The following CHD9 variants were observed in gnomAD, a reference collection of about 807,000 sequenced individuals.
CHD9 encodes ATP-dependent chromatin remodeler CHD9.
In CHD9, 77 loss-of-function variants were observed where a neutral mutation model predicts 316.1. That is an observed-to-expected ratio of 0.24 (90% CI 0.20 to 0.29). CHD9 has a LOEUF of 0.29. CHD9 is among the 10% of genes least tolerant of loss of function. CHD9 has a pLI of 1.00. For synonymous variants in CHD9, 1,129 were observed against 1,158.3 expected (o/e 0.97, Z 0.51); for missense variants, 2,763 against 3,438.1 (o/e 0.80, Z 4.91).
intron 20 of CHD9, among the ~76,000 whole-genome samples, chr16:53,264,339 C>T (rs1273240150): frequency 6.6e-6 from 1 of 151,970 alleles, no homozygotes; most frequent in Admixed American, 6.6e-5. Flanking sequence ...CAGTGATACT[C>T]ATTGCAGCAT....
chr16:53,290,817 G>A (rs2054271958), intron 27 of CHD9, among the ~76,000 whole-genome samples: 1 of 151,974 alleles, frequency 6.6e-6, no homozygotes, highest in Non-Finnish European at 1.5e-5. Context: ...TAAATTTGGA[G>A]CAAAGAGACT....
intron 2 of CHD9, among the ~76,000 whole-genome samples, chr16:53,171,249 C>G (rs2042694160): frequency 6.6e-6 from 1 of 151,866 alleles, no homozygotes; most frequent in Non-Finnish European, 1.5e-5. Context: ...AACCCCGTCT[C>G]CACTAAAAAA....
intron 1 of CHD9, among the ~76,000 whole-genome samples, chr16:53,117,831 C>CT (rs11436680): frequency 0.29 from 42,614 of 145,684 alleles, 6,526 homozygotes; most frequent in African/African-American, 0.38. Flanking sequence ...AAATATTTCT[C>CT]TTTTTTTTTT....
intron 19 of CHD9, among the ~76,000 whole-genome samples, chr16:53,258,416 T>G (rs1250887515): frequency 1.3e-5 from 2 of 152,160 alleles, no homozygotes; most frequent in Non-Finnish European, 1.5e-5. Context: ...TGAGGAGAGT[T>G]GAGAGGTTGC....
At chr16:53,078,851 C>A (rs1376903565) in intron 1 of CHD9, among the ~76,000 whole-genome samples, 1 of 152,134 alleles carries the variant, frequency 6.6e-6, no homozygotes, top group Non-Finnish European at 1.5e-5. Context: ...TTGTGCTTTG[C>A]CAATTCAGAG....
Position 53,324,462 on chromosome 16 carries a change from CAGAA to C in CHD9, c.8264_8267del (p.Glu2755GlyfsTer27). 1 of 1,613,974 alleles carries C rather than the reference CAGAA, an allele frequency of 6.2e-7. No homozygotes were observed. The highest frequency in any genetic ancestry group is 8.5e-7 in the Non-Finnish European group (1 of 1,179,882). Reference sequence around the variant, plus strand: ...GACTCTAAGGAGTCAGAAGGAAAAACAGAAAGGACAGAGAGCCAAAGTTCAGAGA... The same window carrying C: ...GACTCTAAGGAGTCAGAAGGAAAAACAGGACAGAGAGCCAAAGTTCAGAGA... On this transcript the variant is annotated frameshift_variant, in exon 39 of 39. Coordinates refer to ENST00000447540, the MANE Select transcript of CHD9 (RefSeq NM_001308319.2). LOFTEE classifies it high-confidence loss of function.
At chr16:53,099,109 G>A (rs1327749917) in intron 1 of CHD9, 1 of 152,588 alleles carries the variant, frequency 6.6e-6, no homozygotes, top group Non-Finnish European at 1.5e-5. Context: ...TGGGCCCAGA[G>A]CCCTGAGAAT....
chr16:53,156,828 C>A lies in CHD9; in HGVS notation c.739C>A (p.His247Asn). 6.2e-7 allele frequency: 1 copy of A among 1,613,784 alleles called. No individual in the cohort carries two copies. Among genetic ancestry groups the A allele is most frequent in the African/African-American group, 1.3e-5 (1 of 75,048 alleles). ...AGCACACTTCCACAAGTGTAGCAGT[C>A]ATCAAGAAGGAAATTTTAATGGACC... Reference protein sequence around the residue: ...PSAHFHKCSSHQEGNFNGPSP... With the variant: ...PSAHFHKCSSNQEGNFNGPSP... The change falls in exon 2 of 39, where the codon CAT (histidine) becomes AAT (asparagine). Residue 247 changes from histidine (H) to asparagine (N), a missense_variant. His to Asn is a moderately conservative substitution (Grantham distance 68, BLOSUM62 1). This residue lies in a region of CHD9 where 859 missense variants were observed against 890.4 expected (regional missense o/e 0.96). Transcript: ENST00000447540.
intron 30 of CHD9, among the ~76,000 whole-genome samples, chr16:53,302,919 A>G (rs1215071653): frequency 2.6e-5 from 4 of 152,218 alleles, no homozygotes; most frequent in South Asian, 2.1e-4. Context: ...AGGTAGCATG[A>G]GTTCATGTTG....
intron 1 of CHD9, among the ~76,000 whole-genome samples, chr16:53,056,867 T>G (rs997133154): frequency 1.3e-5 from 2 of 152,198 alleles, no homozygotes; most frequent in African/African-American, 4.8e-5. Flanking sequence ...ATTCACAAGT[T>G]CTAAATTTGC....
intron 1 of CHD9, among the ~76,000 whole-genome samples, chr16:53,120,198 C>G (rs1163442816): frequency 6.6e-6 from 1 of 152,128 alleles, no homozygotes; most frequent in Non-Finnish European, 1.5e-5. Context: ...CACCACTGCT[C>G]TCTAACCTGG....
intron 20 of CHD9, among the ~76,000 whole-genome samples, chr16:53,266,170 C>T (rs1246685395): frequency 6.6e-6 from 1 of 151,414 alleles, no homozygotes; most frequent in Non-Finnish European, 1.5e-5. Flanking sequence ...TTTAAGGAGA[C>T]ACAACATATT....
rs1182140359 is a variant in CHD9, at chr16:53,070,516, CCTTCCTTCCTTCCTTCCTCT to C, written c.-165+15442_-165+15461del. Among the ~76,000 whole-genome samples, 96 of 134,582 alleles carry C rather than the reference CCTTCCTTCCTTCCTTCCTCT, an allele frequency of 7.1e-4. 1 individual carries two copies. The highest frequency in any genetic ancestry group is 9.8e-4 in the South Asian group (4 of 4,076). The allele number at this position is 134,582 out of a possible 152,430, so 88.3% of individuals were successfully genotyped here. A position where few individuals can be genotyped will look rare whatever the true frequency, so the allele number is the denominator to read the frequency against. Reference sequence around the variant, plus strand: ...TCCTTCCTTCCTTCCTTCCTTCCTTCCTTCCTTCCTTCCTTCCTCTCTCTCTCTCTCTCTCTCTTTCTTTC... The same window carrying C: ...TCCTTCCTTCCTTCCTTCCTTCCTTCCTCTCTCTCTCTCTCTCTTTCTTTC... On this transcript the variant is annotated intron_variant, in intron 1 of 38. Transcript: ENST00000447540.
chr16:53,226,098 C>G (rs2047629820), intron 4 of CHD9, among the ~76,000 whole-genome samples: 1 of 151,918 alleles, frequency 6.6e-6, no homozygotes, highest in Non-Finnish European at 1.5e-5. Flanking sequence ...TCTCTTTATT[C>G]TTAATGATTT....
intron 1 of CHD9, among the ~76,000 whole-genome samples, chr16:53,066,150 G>A (rs1200643952): frequency 6.6e-6 from 1 of 152,146 alleles, no homozygotes; most frequent in Non-Finnish European, 1.5e-5. Flanking sequence ...TACTGGTTGT[G>A]TGTGACCTTG....
At chr16:53,167,000 T>C (rs2042311715) in intron 2 of CHD9, among the ~76,000 whole-genome samples, 1 of 143,050 alleles carries the variant, frequency 7.0e-6, no homozygotes, top group African/African-American at 2.5e-5. Context: ...CATGACTTGC[T>C]TGCTGTCACA....
intron 2 of CHD9, 110 bp downstream of exon 2, chr16:53,157,651 CATTA>C (rs1184034904): frequency 9.7e-7 from 1 of 1,030,802 alleles, no homozygotes; most frequent in Admixed American, 2.8e-5. Context: ...TTGGTAATTC[CATTA>C]AGTGAACATA....
chr16:53,313,536 C>G (rs1300554037), intron 34 of CHD9, among the ~76,000 whole-genome samples: 1 of 152,068 alleles, frequency 6.6e-6, no homozygotes, highest in East Asian at 2.0e-4. Context: ...GAGCTCCTGA[C>G]CTCAGGTGAT....
rs377499271 is a variant in CHD9, at chr16:53,287,526, G to A, written c.5190-431G>A. 4.6e-5 allele frequency among the ~76,000 whole-genome samples: 7 copies of A among 152,266 alleles called. 1 individual carries two copies. The highest frequency in any genetic ancestry group is 6.5e-5 in the Admixed American group (1 of 15,284). Reference sequence around the variant, plus strand: ...GTGGATCATTTGAGGTCAGGAGTTCGAGACCAGCCTGGCCAACATGGTGAA... The same window carrying A: ...GTGGATCATTTGAGGTCAGGAGTTCAAGACCAGCCTGGCCAACATGGTGAA... On this transcript the variant is annotated intron_variant, in intron 26 of 38. Transcript: ENST00000447540.
Sources: gnomAD v4.1 joint callset for allele counts (sites outside exome capture counted in the v4.1 genomes callset) on GRCh38, gnomAD v4.1.1 for gene constraint, gnomAD v4.1.1 regional missense constraint, MANE v1.5 for transcripts, NCBI Gene and HGNC (gene_info 2026-07-23, HGNC 2026-07-21) for gene names.